The following CDH18 variants were observed in gnomAD, a reference collection of about 807,000 sequenced individuals.
CDH18 encodes the protein cadherin 18.
Under a neutral mutation model 67.9 loss-of-function variants are expected in CDH18, and 31 were observed. The ratio of observed to expected loss-of-function variants is 0.46; its 90% CI spans 0.34 to 0.62. The LOEUF (loss-of-function observed/expected upper bound fraction) is 0.62. CDH18 is among the 20% of genes least tolerant of loss of function. The pLI is 0.01. For missense variants in CDH18, 890 were observed against 975.5 expected (o/e 0.91, Z 1.17); for synonymous variants, 362 against 347.2 (o/e 1.04, Z -0.48).
intron 1 of CDH18, among the ~76,000 whole-genome samples, chr5:20,324,971 T>C (rs911892990): frequency 4.6e-5 from 7 of 152,188 alleles, no homozygotes; most frequent in Admixed American, 4.6e-4. Flanking sequence ...TGTATGAGAA[T>C]CATGATTTTC....
chr5:19,730,986 G>T (rs1767518216), intron 4 of CDH18, among the ~76,000 whole-genome samples: 1 of 152,248 alleles, frequency 6.6e-6, no homozygotes, highest in Non-Finnish European at 1.5e-5. Flanking sequence ...CTGCTGGATG[G>T]CTACTTAAAA....
intron 1 of CDH18, among the ~76,000 whole-genome samples, chr5:20,554,243 G>A (rs1002063703): frequency 2.6e-5 from 4 of 152,150 alleles, no homozygotes; most frequent in South Asian, 2.1e-4. Flanking sequence ...TTCCAATAAA[G>A]CTTGATTCAT....
At chr5:20,384,573 C>T (rs1744166447) in intron 1 of CDH18, among the ~76,000 whole-genome samples, 1 of 152,070 alleles carries the variant, frequency 6.6e-6, no homozygotes, top group Non-Finnish European at 1.5e-5. Flanking sequence ...CTTTGACATC[C>T]TAATTTCCAT....
At chr5:19,987,938 T>C (rs894623273) in intron 1 of CDH18, 148 bp downstream of exon 1, 1 of 152,164 alleles carries the variant, frequency 6.6e-6, no homozygotes, top group Non-Finnish European at 1.5e-5. Context: ...AGCTACAACT[T>C]TCCCCTCAGC....
intron 5 of CDH18, among the ~76,000 whole-genome samples, chr5:19,648,006 T>G (rs1269375332): frequency 6.6e-6 from 1 of 152,142 alleles, no homozygotes; most frequent in Non-Finnish European, 1.5e-5. Context: ...ATGTGATTTG[T>G]TTTCAAGACA....
At chr5:19,915,888 T>C (rs767214333) in intron 2 of CDH18, among the ~76,000 whole-genome samples, 7 of 152,158 alleles carry the variant, frequency 4.6e-5, no homozygotes, top group African/African-American at 7.2e-5. Context: ...AATAAACAGG[T>C]ATTTTCTAAT....
chr5:19,554,328 T>A (rs937050530), intron 8 of CDH18, among the ~76,000 whole-genome samples: 1 of 152,140 alleles, frequency 6.6e-6, no homozygotes, highest in Non-Finnish European at 1.5e-5. Context: ...CTACAAAACC[T>A]TATTAGAATT....
At chr5:20,075,598 A>G (rs985643413) in intron 2 of CDH18, among the ~76,000 whole-genome samples, 1 of 152,196 alleles carries the variant, frequency 6.6e-6, no homozygotes, top group African/African-American at 2.4e-5. Context: ...ATTTTACGTC[A>G]AAAAAGAAAA....
intron 2 of CDH18, among the ~76,000 whole-genome samples, chr5:20,147,293 A>G (rs1750720637): frequency 6.6e-6 from 1 of 152,156 alleles, no homozygotes; most frequent in Non-Finnish European, 1.5e-5. Flanking sequence ...TTTTTAACAT[A>G]AGCAAACAAA....
chr5:20,029,678 A>G (rs572277060), intron 2 of CDH18, among the ~76,000 whole-genome samples: 5 of 152,342 alleles, frequency 3.3e-5, no homozygotes, highest in African/African-American at 1.2e-4. Context: ...TGAATTTTAA[A>G]GTCTTATTAT....
intron 1 of CDH18, among the ~76,000 whole-genome samples, chr5:20,408,675 A>G (rs6869684): frequency 0.98 from 148,864 of 151,876 alleles, 73,030 homozygotes; most frequent in Middle Eastern, 1. Flanking sequence ...AGGGGAAAAA[A>G]GTGCCTAAGA....
chr5:20,481,873 C>T (rs1752831985), intron 1 of CDH18, among the ~76,000 whole-genome samples: 1 of 151,518 alleles, frequency 6.6e-6, no homozygotes, highest in Non-Finnish European at 1.5e-5. Flanking sequence ...AATGCAAATC[C>T]TAATAATGCA....
chr5:19,713,181 A>C (rs1764932123), intron 5 of CDH18, among the ~76,000 whole-genome samples: 1 of 152,028 alleles, frequency 6.6e-6, no homozygotes, highest in African/African-American at 2.4e-5. Context: ...AGATTAAGTA[A>C]ATTTATCTTT....
chr5:19,896,072 C>T (rs1295090019), intron 2 of CDH18, among the ~76,000 whole-genome samples: 4 of 151,966 alleles, frequency 2.6e-5, no homozygotes, highest in African/African-American at 7.2e-5. Context: ...AAATAAAGAG[C>T]TTGGTCGGAC....
At chr5:20,178,562 T>C (rs1002413867) in intron 2 of CDH18, among the ~76,000 whole-genome samples, 3 of 150,836 alleles carry the variant, frequency 2.0e-5, no homozygotes, top group African/African-American at 7.3e-5. Flanking sequence ...CAATAATTAG[T>C]GTAAATAGAG....
intron 2 of CDH18, among the ~76,000 whole-genome samples, chr5:20,045,395 G>A (rs893768020): frequency 6.6e-6 from 1 of 151,984 alleles, no homozygotes; most frequent in South Asian, 2.1e-4. Flanking sequence ...AAATGAGAAC[G>A]CAACAGTGAA....
chr5:20,199,329 G>A (rs1580460182), intron 2 of CDH18, among the ~76,000 whole-genome samples: 2 of 152,338 alleles, frequency 1.3e-5, no homozygotes, highest in East Asian at 3.9e-4. Context: ...TGACCTGGAA[G>A]TAGGACATGG....
intron 5 of CDH18, among the ~76,000 whole-genome samples, chr5:19,618,298 C>T (rs529897401): frequency 6.6e-5 from 10 of 151,784 alleles, no homozygotes; most frequent in Non-Finnish European, 1.5e-4. Flanking sequence ...CTCTGCCTCT[C>T]GGGTTCAAGT....
At chr5:19,878,965 T>C (rs922689420) in intron 2 of CDH18, among the ~76,000 whole-genome samples, 5 of 151,996 alleles carry the variant, frequency 3.3e-5, no homozygotes, top group African/African-American at 1.2e-4. Flanking sequence ...AAAATGTCTC[T>C]AGCTTATTAC....
Sources: allele counts gnomAD v4.1 joint callset (sites outside exome capture counted in the v4.1 genomes callset), GRCh38; gene constraint gnomAD v4.1.1; transcripts MANE v1.5; gene names NCBI Gene and HGNC (gene_info 2026-07-23, HGNC 2026-07-21).